The following PTPN4 variants were observed in gnomAD, a reference collection of about 807,000 sequenced individuals.
PTPN4 encodes tyrosine-protein phosphatase non-receptor type 4.
PTPN4 carries 49 observed loss-of-function variants against 135.5 expected under a neutral mutation model. The observed-to-expected ratio is 0.36, with a 90% confidence interval of 0.29 to 0.46. The LOEUF is 0.46. Among genes scored for constraint, PTPN4 ranks in the 20% least tolerant of loss-of-function variants. The probability of loss-of-function intolerance (pLI) is 1.00; values close to 1 mark genes in which losing one functional copy is unlikely to be tolerated. For synonymous variants in PTPN4, 333 were observed against 369.9 expected, an observed-to-expected ratio of 0.90 and a Z score of 1.14; for missense variants, 860 against 1,101.0, an observed-to-expected ratio of 0.78 and a Z score of 3.10.
At chr2:119,921,726 T>A (rs1339902894) in intron 12 of PTPN4, among the ~76,000 whole-genome samples, 1 of 151,678 alleles carries the variant, frequency 6.6e-6, no homozygotes, top group African/African-American at 2.4e-5. Context: ...AGATCTATAA[T>A]GAAAGTCAAG....
chr2:119,976,156 C>T (rs573143728), intron 26 of PTPN4, among the ~76,000 whole-genome samples: 7 of 151,744 alleles, frequency 4.6e-5, no homozygotes, highest in Non-Finnish European at 7.4e-5. Context: ...CTACCACGCC[C>T]GGCTAATTTT....
chr2:119,955,499 A>G (rs1679266895), intron 20 of PTPN4, among the ~76,000 whole-genome samples, 176 bp downstream of exon 20: 1 of 152,254 alleles, frequency 6.6e-6, no homozygotes, highest in East Asian at 1.9e-4. Flanking sequence ...CCAAAATACT[A>G]GCTATGGTTA....
rs11886986 is a variant in PTPN4 at position 119,883,922 on chromosome 2, C to T, written c.587+1299C>T. Among the ~76,000 whole-genome samples the T allele has an allele frequency of 3.9e-3, 587 of 152,244 alleles. 4 individuals carry two copies. Among genetic ancestry groups the T allele is most frequent in the African/African-American group, 0.013 (546 of 41,544 alleles). ...GGATAACAAACCATGGCCATTGAAACGGAGTCTCGCTCTGTTGCCCAGGCT... is the reference window on the plus strand; with the variant it reads ...GGATAACAAACCATGGCCATTGAAATGGAGTCTCGCTCTGTTGCCCAGGCT... On this transcript the variant is annotated intron_variant, in intron 8 of 26. Coordinates refer to ENST00000263708, the MANE Select transcript of PTPN4 (RefSeq NM_002830.4).
chr2:119,891,092 G>A (rs1244616073), intron 9 of PTPN4, among the ~76,000 whole-genome samples: 2 of 152,052 alleles, frequency 1.3e-5, no homozygotes, highest in Non-Finnish European at 2.9e-5. Flanking sequence ...TATCTGCTTG[G>A]GGGTACAAGT....
chr2:119,924,606 T>A (rs1678793029), intron 12 of PTPN4, among the ~76,000 whole-genome samples: 1 of 152,174 alleles, frequency 6.6e-6, no homozygotes, highest in South Asian at 2.1e-4. Context: ...TGTGAAAGTT[T>A]AGTGTTCTGA....
At chr2:119,808,880 T>C (rs566269222) in intron 1 of PTPN4, among the ~76,000 whole-genome samples, 2 of 152,348 alleles carry the variant, frequency 1.3e-5, no homozygotes, top group Non-Finnish European at 2.9e-5. Flanking sequence ...CAGCTCCAGG[T>C]ATTATCACTG....
At chr2:119,781,332 A>G (rs920784189) in intron 1 of PTPN4, among the ~76,000 whole-genome samples, 1 of 152,180 alleles carries the variant, frequency 6.6e-6, no homozygotes, top group Non-Finnish European at 1.5e-5. Flanking sequence ...AATTTTTTAA[A>G]AATGAGATTA....
At chr2:119,847,024 G>GT (rs1170488820) in intron 2 of PTPN4, among the ~76,000 whole-genome samples, 5 of 150,794 alleles carry the variant, frequency 3.3e-5, no homozygotes, top group Non-Finnish European at 7.4e-5. Context: ...GAGCAAGTAT[G>GT]TATATATAGA....
intron 8 of PTPN4, among the ~76,000 whole-genome samples, chr2:119,884,198 C>T (rs1678122007): frequency 6.6e-6 from 1 of 152,180 alleles, no homozygotes; most frequent in South Asian, 2.1e-4. Context: ...ACGCCCAGCC[C>T]CTATTGCCTA....
In PTPN4 at chr2:119,962,760, A is replaced by G; in HGVS notation, c.2409+16A>G. On this transcript the variant is annotated intron_variant, in intron 24 of 26. Coordinates refer to ENST00000263708, the MANE Select transcript of PTPN4 (RefSeq NM_002830.4). Reference sequence around the variant, plus strand: ...TAACCAAGAGGTAAGAAGGCAGGATATCTGTTCATTAGAACTGTTGTGTTC... The same window carrying G: ...TAACCAAGAGGTAAGAAGGCAGGATGTCTGTTCATTAGAACTGTTGTGTTC... 2 of 1,545,822 alleles carry G rather than the reference A, an allele frequency of 1.3e-6. No homozygotes were observed. The highest frequency in any genetic ancestry group is 1.8e-6 in the Non-Finnish European group (2 of 1,135,050).
intron 18 of PTPN4, among the ~76,000 whole-genome samples, chr2:119,949,335 C>G (rs911736347): frequency 2.0e-5 from 3 of 151,962 alleles, no homozygotes; most frequent in African/African-American, 7.2e-5. Flanking sequence ...AATTGGAAAC[C>G]ACAGTTTAGG....
chr2:119,863,947 A>G (rs965097262), intron 3 of PTPN4, among the ~76,000 whole-genome samples: 3 of 152,148 alleles, frequency 2.0e-5, no homozygotes, highest in African/African-American at 7.2e-5. Flanking sequence ...GGTTGAACCT[A>G]AAATAATCAA....
intron 15 of PTPN4, among the ~76,000 whole-genome samples, chr2:119,935,873 G>A (rs1178095081): frequency 6.6e-6 from 1 of 151,968 alleles, no homozygotes; most frequent in Non-Finnish European, 1.5e-5. Flanking sequence ...ATCATATGCA[G>A]GAATCAAAAA....
At chr2:119,793,947 C>T (rs1691203866) in intron 1 of PTPN4, among the ~76,000 whole-genome samples, 1 of 132,484 alleles carries the variant, frequency 7.5e-6, no homozygotes, top group African/African-American at 2.8e-5. Context: ...CCTCGAACTC[C>T]TGGGTTCAAG....
chr2:119,967,970 C>G lies in PTPN4; in HGVS notation c.2692C>G (p.Pro898Ala), dbSNP rs773756415. ...TCAGCGAGCCATGATGATCCAAACA[C>G]CTGTGAGTACTGTACTTTATATACA... ...RDQRAMMIQT[P>A]SQYRFVCEAI... Residue 898 changes from proline to alanine, a missense_variant and splice_region_variant, in exon 26 of 27, where the codon CCT (proline) becomes GCT (alanine). Physicochemically the swap from Pro to Ala is conservative, Grantham distance 27. Coordinates refer to ENST00000263708, the MANE Select transcript of PTPN4 (RefSeq NM_002830.4). The G allele has an allele frequency of 1.9e-6, 3 of 1,592,570 alleles. No individual in the cohort carries two copies. The highest frequency in any genetic ancestry group is 2.6e-6 in the Non-Finnish European group (3 of 1,166,172).
chr2:119,964,260 A>T (rs1679414756), intron 24 of PTPN4, among the ~76,000 whole-genome samples: 1 of 152,252 alleles, frequency 6.6e-6, no homozygotes, highest in Admixed American at 6.5e-5. Flanking sequence ...TAAAGTATAG[A>T]TGTTATTTCA....
chr2:119,917,363 T>A (rs1460888594), intron 11 of PTPN4, among the ~76,000 whole-genome samples: 1 of 152,230 alleles, frequency 6.6e-6, no homozygotes, highest in East Asian at 1.9e-4. Flanking sequence ...TTCATGCTAT[T>A]GGGTGAGATA....
intron 3 of PTPN4, among the ~76,000 whole-genome samples, chr2:119,871,789 A>G (rs1002256372): frequency 6.6e-6 from 1 of 152,230 alleles, no homozygotes; most frequent in Non-Finnish European, 1.5e-5. Context: ...ACAAAAGGAT[A>G]AACGATCATT....
intron 18 of PTPN4, among the ~76,000 whole-genome samples, chr2:119,951,580 T>C (rs1412419853): frequency 6.6e-6 from 1 of 152,220 alleles, no homozygotes; most frequent in Non-Finnish European, 1.5e-5. Context: ...TTTACAGTTA[T>C]TCACGGTAAA....
Sources: gnomAD v4.1 joint callset for allele counts (sites outside exome capture counted in the v4.1 genomes callset) on GRCh38, gnomAD v4.1.1 for gene constraint, MANE v1.5 for transcripts, NCBI Gene and HGNC (gene_info 2026-07-23, HGNC 2026-07-21) for gene names.